ABCA2: variants seen among roughly 807,000 people sequenced by gnomAD.
ABCA2 encodes the protein ATP-binding cassette sub-family A member 2.
In ABCA2, 84 loss-of-function variants were observed where a neutral mutation model predicts 262.8. The observed-to-expected ratio is 0.32, with a 90% CI of 0.27 to 0.38. The LOEUF (loss-of-function observed/expected upper bound fraction) is 0.38. Among genes scored for constraint, ABCA2 ranks in the 10% least tolerant of loss-of-function variants. The pLI is 1.00. For missense variants in ABCA2, 2,662 were observed against 3,405.9 expected (o/e 0.78, Z 5.44); for synonymous variants, 1,696 against 1,502.9 (o/e 1.13, Z -2.97).
chr9:137,009,332 G>GGCCCCCCCCCCCCCCCCCCCGC, intron 45 of ABCA2, 38 bp downstream of exon 45: 1 of 980,410 alleles, frequency 1.0e-6, no homozygotes, highest in Non-Finnish European at 1.5e-6. Context: ...CCCCCCCCGG[G>GGCCCCCCCCCCCCCCCCCCCGC]CCCGCCCCAG....
chr9:137,016,830 G>T (rs1318019664), intron 19 of ABCA2, 90 bp downstream of exon 19: 1 of 1,561,020 alleles, frequency 6.4e-7, no homozygotes, highest in East Asian at 2.3e-5. Flanking sequence ...AGCCACCCGT[G>T]CTGCATCCAG....
rs767707168 is a variant in ABCA2 at position 137,012,128 on chromosome 9, G to T, written c.5334C>A (p.Thr1778=). ...ITVTNHPMNK[T]SASLSLDYLL... Reference sequence around the variant, plus strand: ...GGTAATCCAGGGAGAGGCTGGCGCTGGTCTTATTCATGGGGTGGTTGGTGA... The same window carrying T: ...GGTAATCCAGGGAGAGGCTGGCGCTTGTCTTATTCATGGGGTGGTTGGTGA... Residue 1778 remains threonine (T), a synonymous_variant, in exon 34 of 49, where the codon ACC becomes ACA. Transcript: ENST00000341511. 1.2e-6 allele frequency: 2 copies of T among 1,612,392 alleles called. No homozygotes were observed. Among genetic ancestry groups the T allele is most frequent in the East Asian group, 2.2e-5 (1 of 44,864 alleles).
chr9:137,008,950 C>T lies in ABCA2; in HGVS notation c.6930+1G>A. 6.2e-7 allele frequency: 1 copy of T among 1,604,752 alleles called. No homozygotes were observed. The highest frequency in any genetic ancestry group is 8.5e-7 in the Non-Finnish European group (1 of 1,179,356). ...CCACAACCCTGCCCGGGACGGCGCA[C>T]CTTGAGCATGGCTTCCGGGAAGTTG... On this transcript the variant is annotated splice_donor_variant, in intron 46 of 48. Coordinates refer to ENST00000341511, the MANE Select transcript of ABCA2 (RefSeq NM_001606.5). LOFTEE classifies it high-confidence loss of function.
At chr9:137,008,900 G>GCCCCCCCCCCCCCCCCCCCCCCC (rs59031144) in intron 46 of ABCA2, 32 bp from the exon 47 acceptor site, 76 of 1,555,770 alleles carry the variant, frequency 4.9e-5, no homozygotes, top group African/African-American at 1.4e-4. Flanking sequence ...GCCTGGCAGC[G>GCCCCCCCCCCCCCCCCCCCCCCC]CCCCCCCACC....
Position 137,014,256 on chromosome 9 carries a change from G to A in ABCA2, c.4152C>T (p.Gly1384=), listed in dbSNP as rs567851206. 25 of 1,610,696 alleles carry A rather than the reference G, an allele frequency of 1.6e-5. No individual in the cohort carries two copies. Among genetic ancestry groups the A allele is most frequent in the Middle Eastern group, 1.7e-4 (1 of 6,060 alleles). ...CGTCGGTGTAGCCAGCTCCCTCGTC[G>A]CCACGGGCAGAGCCCACAGATGACG... ...QSASSVGSAR[G]DEGAGYTDVY... Residue 1384 remains glycine, a synonymous_variant, in exon 27 of 49, where the codon GGC becomes GGT. Coordinates refer to ENST00000341511, the MANE Select transcript of ABCA2 (RefSeq NM_001606.5).
chr9:137,024,018 G>A (rs1831567906), intron 2 of ABCA2, 125 bp downstream of exon 2: 1 of 1,518,762 alleles, frequency 6.6e-7, no homozygotes, highest in South Asian at 1.3e-5. Context: ...ACCACACAGG[G>A]GAGCAGGCAC....
intron 19 of ABCA2, 49 bp from the exon 20 acceptor site, chr9:137,016,787 C>A: frequency 6.5e-7 from 1 of 1,540,030 alleles, no homozygotes; most frequent in South Asian, 1.2e-5. Flanking sequence ...CTGGGGTGAC[C>A]ATCCACCACG....
At chr9:137,017,156 G>GGCCCGGCACCCCAGCC (rs1436978844) in intron 18 of ABCA2, 32 bp from the exon 19 acceptor site, 42 of 1,611,594 alleles carry the variant, frequency 2.6e-5, no homozygotes, top group African/African-American at 5.3e-5. Flanking sequence ...CACGTGGGGT[G>GGCCCGGCACCCCAGCC]GCCCGGCACC....
rs778289203 is a variant in ABCA2, at chr9:137,018,068, C to T, written c.2001G>A (p.Met667Ile). ...LYGFVWIQDM[M>I]ERAIIDTFVG... ...CAAAAGTGTCGATGATGGCGCGCTC[C>T]ATCATGTCTGTGGGTGGGGGCAGCC... The change falls in exon 15 of 49, where the codon ATG becomes ATA. Residue 667 changes from methionine to isoleucine, a missense_variant. This residue lies in a region of ABCA2 where 188 missense variants were observed against 343.4 expected (regional missense o/e 0.55). Transcript: ENST00000341511. 6.2e-7 allele frequency: 1 copy of T among 1,612,434 alleles called. No homozygotes were observed. The highest frequency in any genetic ancestry group is 1.7e-5 in the Admixed American group (1 of 60,004).
At position 137,011,347 on chromosome 9, in the gene ABCA2, G is replaced by C; in HGVS notation, c.5800-38C>G. On this transcript the variant is annotated intron_variant, in intron 37 of 48. Coordinates refer to ENST00000341511, the MANE Select transcript of ABCA2 (RefSeq NM_001606.5). The surrounding 1 kb of genome is among the most constrained non-coding windows in gnomAD (Gnocchi z 8.8). ...CGGGGTCAGGGGCACAGGGGTGGCC[G>C]GGGTGAGGGGCACAGCCTCCGCAGG... is the stretch of plus-strand genomic sequence containing the variant. 1 of 1,603,508 alleles carries C rather than the reference G, an allele frequency of 6.2e-7. No individual in the cohort carries two copies. Among genetic ancestry groups the C allele is most frequent in the East Asian group, 2.2e-5 (1 of 44,590 alleles).
At position 137,014,900 on chromosome 9, in the gene ABCA2, T is replaced by C. The variant is rs1199896593; in HGVS notation, c.3882+13A>G. The C allele has an allele frequency of 1.9e-6, 3 of 1,577,972 alleles. No individual in the cohort carries two copies. The African/African-American group carries it at 4.0e-5, about 21-fold the overall frequency. Reference sequence around the variant, plus strand: ...CCACCTGCAACTGCCCCCCGACCCGTGCGCCCTCACACCTGGAAGAGGCGC... The same window carrying C: ...CCACCTGCAACTGCCCCCCGACCCGCGCGCCCTCACACCTGGAAGAGGCGC... On this transcript the variant is annotated intron_variant, in intron 25 of 48. Coordinates refer to ENST00000341511, the MANE Select transcript of ABCA2 (RefSeq NM_001606.5).
intron 2 of ABCA2, 32 bp from the exon 3 acceptor site, chr9:137,023,872 G>A (rs1026931084): frequency 1.1e-5 from 10 of 889,998 alleles, no homozygotes; most frequent in African/African-American, 8.2e-5. Context: ...GAGACCATGC[G>A]GGGAGGGAGG....
Position 137,021,333 on chromosome 9 carries a change from C to T in ABCA2, c.897+59G>A. ...CCCTGAGCTCTCCAAGCGGTCCCAG[C>T]CCCTCCTTCAACTCAGGCAGCAAGC... On this transcript the variant is annotated intron_variant, in intron 8 of 48. Transcript: ENST00000341511. The surrounding 1 kb of genome is among the most constrained non-coding windows in gnomAD (Gnocchi z 6.0). 6.3e-7 allele frequency: 1 copy of T among 1,579,370 alleles called. No individual in the cohort carries two copies. The highest frequency in any genetic ancestry group is 8.6e-7 in the Non-Finnish European group (1 of 1,166,682).
chr9:137,026,529 T>C (rs746099456), intron 1 of ABCA2, among the ~76,000 whole-genome samples: 2 of 152,122 alleles, frequency 1.3e-5, no homozygotes, highest in Admixed American at 6.5e-5. Context: ...AGCCATGGGC[T>C]AAGGACCTCC....
intron 41 of ABCA2, 24 bp downstream of exon 41, chr9:137,010,169 G>A (rs773692967): frequency 7.9e-5 from 126 of 1,593,798 alleles, no homozygotes; most frequent in East Asian, 1.1e-4. Context: ...CGGCGGCCCC[G>A]CCCACCCAGG....
Position 137,008,451 on chromosome 9 carries a change from C to T in ABCA2, c.7240G>A (p.Glu2414Lys), listed in dbSNP as rs1227050658. 2.0e-5 allele frequency: 31 copies of T among 1,557,218 alleles called. No homozygotes were observed. Among genetic ancestry groups the T allele is most frequent in the Non-Finnish European group, 2.6e-5 (30 of 1,151,110 alleles). The change falls in exon 48 of 49, where the codon GAG (glutamate) becomes AAG (lysine). Residue 2414 changes from glutamate to lysine, a missense_variant. Transcript: ENST00000341511. ...VADEPEDLDT[E>K]DEGLISFEEE... ...TCGAAGCTGATGAGGCCCTCGTCCT[C>T]CGTGTCCAGGTCCTCGGGCTCGTCT... is the stretch of plus-strand genomic sequence containing the variant.
Position 137,012,874 on chromosome 9 carries a change from C to G in ABCA2, c.4919G>C (p.Arg1640Pro), listed in dbSNP as rs1052489775. The change falls in exon 31 of 49, where the codon CGC (arginine) becomes CCC (proline). Residue 1640 changes from arginine (R) to proline (P), a missense_variant. Arg to Pro is a moderately radical substitution (Grantham distance 103). Coordinates refer to ENST00000341511, the MANE Select transcript of ABCA2 (RefSeq NM_001606.5). ...GGTGCCCTGCGCAGAGCAGGTGCAGCGGACGGGCTCCCGTACCAGGCGCGG... is the reference window on the plus strand; with the variant it reads ...GGTGCCCTGCGCAGAGCAGGTGCAGGGGACGGGCTCCCGTACCAGGCGCGG... ...SLPRLVREPV[R>P]CTCSAQGTGF... is the part of the protein sequence containing the mutation. 1 of 1,585,712 alleles carries G rather than the reference C, an allele frequency of 6.3e-7. No individual in the cohort carries two copies.
In ABCA2 at chr9:137,007,938, C is replaced by T. The variant is rs892190364; in HGVS notation, c.7302G>A (p.Thr2434=). The T allele has an allele frequency of 1.0e-5, 16 of 1,605,606 alleles. No individual in the cohort carries two copies. Among genetic ancestry groups the T allele is most frequent in the East Asian group, 4.5e-5 (2 of 44,890 alleles). Residue 2434 remains threonine (T), a synonymous_variant, in exon 49 of 49, where the codon ACG becomes ACA. Coordinates refer to ENST00000341511, the MANE Select transcript of ABCA2 (RefSeq NM_001606.5). ...GCCCAGCTCTGGGTGGTCAGCAGAG[C>T]GTGTCCGTGTTGAAGGACAGCTGGG... is the stretch of plus-strand genomic sequence containing the variant. ...ERAQLSFNTD[T]LC
At position 137,009,391 on chromosome 9, in the gene ABCA2, C is replaced by T; in HGVS notation, c.6806G>A (p.Ser2269Asn). The T allele has an allele frequency of 1.5e-6, 2 of 1,377,400 alleles. No individual in the cohort carries two copies. The highest frequency in any genetic ancestry group is 1.9e-6 in the Non-Finnish European group (2 of 1,038,138). The allele number at this position is 1,377,400 out of a possible 1,614,324, so 85.3% of individuals were successfully genotyped here. The part of the protein sequence containing the change: ...MVNGRLRCLG[S>N]IQHLKNRFGD... ...TCACCGGTTCTTCAGGTGCTGGATGCTGCCCAGGCACCGCAGGCGACCGTT... is the reference window on the plus strand; with the variant it reads ...TCACCGGTTCTTCAGGTGCTGGATGTTGCCCAGGCACCGCAGGCGACCGTT... Residue 2269 changes from serine (S) to asparagine (N), a missense_variant, in exon 45 of 49, where the codon AGC becomes AAC. Around this residue, in one of 12 missense-constraint regions of ABCA2, gnomAD observed 602 missense variants for 897.4 expected, o/e 0.67. Coordinates refer to ENST00000341511, the MANE Select transcript of ABCA2 (RefSeq NM_001606.5).
Sources: gnomAD v4.1 joint callset for allele counts (sites outside exome capture counted in the v4.1 genomes callset) on GRCh38, gnomAD v4.1.1 for gene constraint, gnomAD v4.1.1 regional missense constraint, Gnocchi (gnomAD v3.1) non-coding constraint, MANE v1.5 for transcripts, NCBI Gene and HGNC (gene_info 2026-07-23, HGNC 2026-07-21) for gene names.